Variants in CSMD1 observed in about 807,000 individuals in gnomAD.
CSMD1 encodes CUB and sushi domain-containing protein 1.
A neutral mutation model predicts 417.5 loss-of-function variants in CSMD1; 213 were observed. The ratio of observed to expected loss-of-function variants is 0.51; its 90% CI spans 0.46 to 0.57. The LOEUF (loss-of-function observed/expected upper bound fraction) is 0.57, where lower values mean the gene tolerates loss of function less well. CSMD1 is among the 20% of genes least tolerant of loss of function. The pLI is 0.00. For synonymous variants in CSMD1, 2,862 were observed against 1,736.8 expected, an observed-to-expected ratio of 1.65 and a Z score of -16.11; for missense variants, 6,923 against 4,529.7, an observed-to-expected ratio of 1.53 and a Z score of -15.17.
At chr8:4,630,233 T>C (rs970025137) in intron 2 of CSMD1, among the ~76,000 whole-genome samples, 2 of 151,700 alleles carry the variant, frequency 1.3e-5, no homozygotes, top group African/African-American at 4.9e-5. Context: ...AGTCATTTTA[T>C]CCTTTTTCTT....
intron 26 of CSMD1, among the ~76,000 whole-genome samples, chr8:3,230,703 G>C (rs1470812821): frequency 6.6e-6 from 1 of 152,154 alleles, no homozygotes; most frequent in Non-Finnish European, 1.5e-5. Flanking sequence ...AGGGTGGAAG[G>C]TCTAGAGGAG....
At chr8:4,352,280 T>C (rs1173770661) in intron 3 of CSMD1, among the ~76,000 whole-genome samples, 1 of 152,182 alleles carries the variant, frequency 6.6e-6, no homozygotes, top group African/African-American at 2.4e-5. Flanking sequence ...CTCATGAGGG[T>C]TCTTCCAGGT....
At chr8:3,597,497 T>G (rs1284226690) in intron 8 of CSMD1, among the ~76,000 whole-genome samples, 1 of 152,188 alleles carries the variant, frequency 6.6e-6, no homozygotes, top group African/African-American at 2.4e-5. Flanking sequence ...GTAAATAAAA[T>G]GCAGCTGAGA....
At chr8:4,700,129 T>C (rs1212269770) in intron 1 of CSMD1, among the ~76,000 whole-genome samples, 1 of 152,146 alleles carries the variant, frequency 6.6e-6, no homozygotes, top group East Asian at 1.9e-4. Context: ...AACTTTTTGT[T>C]TAATTTTTAT....
At chr8:3,353,139 G>A (rs1279750107) in intron 21 of CSMD1, among the ~76,000 whole-genome samples, 1 of 152,188 alleles carries the variant, frequency 6.6e-6, no homozygotes, top group African/African-American at 2.4e-5. Context: ...AATAATCCAT[G>A]AGGGCTACTT....
chr8:3,943,736 A>C (rs1239350202), intron 5 of CSMD1, among the ~76,000 whole-genome samples: 2 of 152,042 alleles, frequency 1.3e-5, no homozygotes, highest in Non-Finnish European at 2.9e-5. Flanking sequence ...AATATGAATC[A>C]CCTGAATCTA....
At chr8:3,226,369 G>A (rs888889923) in intron 27 of CSMD1, among the ~76,000 whole-genome samples, 3 of 152,026 alleles carry the variant, frequency 2.0e-5, no homozygotes, top group Non-Finnish European at 1.5e-5. Flanking sequence ...GATCATCTGA[G>A]GGCAGGAGTT....
intron 3 of CSMD1, among the ~76,000 whole-genome samples, chr8:4,122,832 C>A (rs535949112): frequency 4.6e-5 from 7 of 152,284 alleles, no homozygotes; most frequent in South Asian, 4.1e-4. Flanking sequence ...CCCTCTGTAA[C>A]AGAGTTCACA....
intron 3 of CSMD1, among the ~76,000 whole-genome samples, chr8:4,194,537 T>C (rs1799219315): frequency 6.6e-6 from 1 of 152,136 alleles, no homozygotes; most frequent in South Asian, 2.1e-4. Flanking sequence ...CAACTATTTT[T>C]ATTATAATGT....
intron 12 of CSMD1, among the ~76,000 whole-genome samples, chr8:3,443,501 T>C (rs566923776): frequency 1.3e-5 from 2 of 152,340 alleles, no homozygotes; most frequent in South Asian, 4.1e-4. Context: ...TATGTGTGCG[T>C]CTGTTTCTTA....
At chr8:4,119,676 AAG>A (rs1253052486) in intron 3 of CSMD1, among the ~76,000 whole-genome samples, 2 of 152,192 alleles carry the variant, frequency 1.3e-5, no homozygotes, top group African/African-American at 2.4e-5. Context: ...GCAAGCCAGG[AAG>A]AGAGTCCTCC....
At chr8:4,345,499 A>C (rs920327969) in intron 3 of CSMD1, among the ~76,000 whole-genome samples, 2 of 151,952 alleles carry the variant, frequency 1.3e-5, no homozygotes, top group South Asian at 4.1e-4. Flanking sequence ...ATAGCAAAGG[A>C]AACAGTGACA....
At chr8:3,491,438 A>C (rs1479924319) in intron 11 of CSMD1, among the ~76,000 whole-genome samples, 1 of 152,258 alleles carries the variant, frequency 6.6e-6, no homozygotes, top group Non-Finnish European at 1.5e-5. Context: ...CGTAAAAGAT[A>C]CATAAAAGTT....
intron 1 of CSMD1, among the ~76,000 whole-genome samples, chr8:4,715,254 G>A (rs1288527046): frequency 6.6e-6 from 1 of 152,154 alleles, no homozygotes; most frequent in African/African-American, 2.4e-5. Context: ...CCTAACCTGT[G>A]TTTGGCTCTG....
At chr8:3,265,093 C>G (rs1412467094) in intron 26 of CSMD1, among the ~76,000 whole-genome samples, 1 of 152,080 alleles carries the variant, frequency 6.6e-6, no homozygotes, top group Non-Finnish European at 1.5e-5. Flanking sequence ...AATAGCTGCT[C>G]TTGTAGCTGG....
chr8:3,778,541 C>A (rs1011410687), intron 5 of CSMD1, among the ~76,000 whole-genome samples: 4 of 152,218 alleles, frequency 2.6e-5, no homozygotes, highest in Non-Finnish European at 5.9e-5. Context: ...TGTGCCTGTG[C>A]ACGCTCTTGC....
chr8:3,583,318 G>T (rs1189821329), intron 9 of CSMD1, among the ~76,000 whole-genome samples: 2 of 151,886 alleles, frequency 1.3e-5, no homozygotes, highest in Admixed American at 6.6e-5. Flanking sequence ...TTGGAACCGG[G>T]TTGTGGGTCA....
chr8:3,279,953 G>A (rs995074591), intron 26 of CSMD1, among the ~76,000 whole-genome samples: 7 of 152,208 alleles, frequency 4.6e-5, no homozygotes, highest in African/African-American at 9.6e-5. Flanking sequence ...GGGTGGGGAC[G>A]TAGAACCTAA....
At chr8:3,297,126 C>A (rs1584950362) in intron 25 of CSMD1, among the ~76,000 whole-genome samples, 2 of 152,190 alleles carry the variant, frequency 1.3e-5, no homozygotes, top group East Asian at 3.9e-4. Flanking sequence ...AAAAAATGTG[C>A]AGGACTTTCA....
Sources: gnomAD v4.1 joint callset for allele counts (sites outside exome capture counted in the v4.1 genomes callset) on GRCh38, gnomAD v4.1.1 for gene constraint, MANE v1.5 for transcripts, NCBI Gene and HGNC (gene_info 2026-07-23, HGNC 2026-07-21) for gene names.